Variants in SLC44A5 observed in about 807,000 individuals in gnomAD.
SLC44A5 encodes choline transporter-like protein 5.
Under a neutral mutation model 101.8 loss-of-function variants are expected in SLC44A5, and 57 were observed. The ratio of observed to expected loss-of-function variants is 0.56; its 90% CI spans 0.45 to 0.70. SLC44A5 has a LOEUF of 0.70. Among genes scored for constraint, SLC44A5 ranks in the 30% least tolerant of loss-of-function variants. The probability of loss-of-function intolerance (pLI) is 0.00; values close to 1 mark genes in which losing one functional copy is unlikely to be tolerated. For synonymous variants in SLC44A5, 281 were observed against 290.9 expected (o/e 0.97, Z 0.35); for missense variants, 737 against 853.1 (o/e 0.86, Z 1.70).
intron 2 of SLC44A5, among the ~76,000 whole-genome samples, chr1:75,504,508 T>G (rs557639247): frequency 1.9e-4 from 29 of 152,242 alleles, no homozygotes; most frequent in Middle Eastern, 3.4e-3. Flanking sequence ...TATTGAAAAT[T>G]TATACCTCAA....
chr1:75,529,582 A>G (rs1358303029), intron 2 of SLC44A5, among the ~76,000 whole-genome samples: 1 of 152,188 alleles, frequency 6.6e-6, no homozygotes, highest in Non-Finnish European at 1.5e-5. Flanking sequence ...TACTCCTTCC[A>G]AAGGCAGTCA....
chr1:75,377,149 A>G (rs1342466453), intron 3 of SLC44A5, among the ~76,000 whole-genome samples: 3 of 151,216 alleles, frequency 2.0e-5, no homozygotes, highest in Non-Finnish European at 4.4e-5. Flanking sequence ...TAGACATAGG[A>G]GACTCCATTT....
chr1:75,230,137 T>A (rs1443471608), intron 12 of SLC44A5, among the ~76,000 whole-genome samples: 2 of 152,238 alleles, frequency 1.3e-5, no homozygotes, highest in African/African-American at 2.4e-5. Context: ...CATTTTTATT[T>A]TGAAAAGTTC....
At chr1:75,714,538 G>A in the SLC44A5 span, among the ~76,000 whole-genome samples, 2 of 152,144 alleles carry the variant, frequency 1.3e-5, no homozygotes, top group African/African-American at 4.8e-5. Context: ...AGAAAGAGAG[G>A]AAGTCAAGAT....
At chr1:75,325,762 GT>G (rs1656540826) in intron 4 of SLC44A5, among the ~76,000 whole-genome samples, 3 of 1,472 alleles carry the variant, frequency 2.0e-3, no homozygotes, top group Admixed American at 0.011. Context: ...ATGCATGCGT[GT>G]GTGTGTGTGT....
At chr1:75,347,189 A>G (rs539591375) in intron 3 of SLC44A5, among the ~76,000 whole-genome samples, 1 of 152,300 alleles carries the variant, frequency 6.6e-6, no homozygotes, top group African/African-American at 2.4e-5. Flanking sequence ...ACAAGTGCCT[A>G]AAGCAGTTTG....
At chr1:75,631,137 T>C in the SLC44A5 span, among the ~76,000 whole-genome samples, 1 of 152,148 alleles carries the variant, frequency 6.6e-6, no homozygotes, top group African/African-American at 2.4e-5. Flanking sequence ...TAAATCTCTT[T>C]CTCTTCAACC....
the SLC44A5 span, among the ~76,000 whole-genome samples, chr1:75,713,059 C>G: frequency 6.6e-6 from 1 of 152,130 alleles, no homozygotes; most frequent in Non-Finnish European, 1.5e-5. Context: ...AACCACTACC[C>G]TCTATCATTT....
chr1:75,515,224 T>A (rs1669764223), intron 2 of SLC44A5, among the ~76,000 whole-genome samples: 2 of 152,320 alleles, frequency 1.3e-5, no homozygotes, highest in South Asian at 4.1e-4. Context: ...TCATGTGGAA[T>A]AACTAAATCA....
chr1:75,605,272 A>C (rs1675255643), intron 1 of SLC44A5, among the ~76,000 whole-genome samples: 1 of 152,088 alleles, frequency 6.6e-6, no homozygotes, highest in Non-Finnish European at 1.5e-5. Flanking sequence ...ATTTTCATTC[A>C]ACAAGCACTT....
At chr1:75,600,940 G>A (rs1385255218) in intron 1 of SLC44A5, among the ~76,000 whole-genome samples, 1 of 152,178 alleles carries the variant, frequency 6.6e-6, no homozygotes. Context: ...ATGCATGACT[G>A]TGTATAAAGA....
At chr1:75,705,232 TAA>T in the SLC44A5 span, among the ~76,000 whole-genome samples, 6 of 152,224 alleles carry the variant, frequency 3.9e-5, no homozygotes, top group Admixed American at 1.3e-4. Flanking sequence ...TGTCCAATCA[TAA>T]GAGTGATCAA....
the SLC44A5 span, among the ~76,000 whole-genome samples, chr1:75,690,160 C>T: frequency 2.0e-5 from 3 of 152,128 alleles, no homozygotes; most frequent in Admixed American, 6.6e-5. Flanking sequence ...AAAGAAAGGA[C>T]GTTTAACTGA....
intron 23 of SLC44A5, among the ~76,000 whole-genome samples, chr1:75,210,015 G>A (rs1646821875): frequency 6.6e-6 from 1 of 151,734 alleles, no homozygotes; most frequent in African/African-American, 2.4e-5. Context: ...GGTTCTCCAG[G>A]ACTTTTCAAG....
chr1:75,250,530 G>T (rs1277653972), intron 7 of SLC44A5, among the ~76,000 whole-genome samples: 1 of 152,148 alleles, frequency 6.6e-6, no homozygotes, highest in Non-Finnish European at 1.5e-5. Flanking sequence ...TAATGGGATT[G>T]CTGGGTCAAA....
At chr1:75,511,547 T>C (rs1259815507) in intron 2 of SLC44A5, among the ~76,000 whole-genome samples, 1 of 152,164 alleles carries the variant, frequency 6.6e-6, no homozygotes, top group African/African-American at 2.4e-5. Context: ...TTAAAAAATA[T>C]CATCTATTAA....
intron 3 of SLC44A5, among the ~76,000 whole-genome samples, chr1:75,373,007 T>A (rs552873711): frequency 6.6e-6 from 1 of 152,338 alleles, no homozygotes; most frequent in Admixed American, 6.5e-5. Context: ...AACTCCTTAT[T>A]GACCTGAATT....
At chr1:75,480,024 T>C (rs1236470383) in intron 2 of SLC44A5, among the ~76,000 whole-genome samples, 3 of 152,210 alleles carry the variant, frequency 2.0e-5, no homozygotes, top group African/African-American at 7.2e-5. Flanking sequence ...GCAAACCGAA[T>C]CTGGCAGCAC....
At chr1:75,248,219 T>C (rs1276583587) in intron 7 of SLC44A5, among the ~76,000 whole-genome samples, 1 of 152,036 alleles carries the variant, frequency 6.6e-6, no homozygotes, top group Non-Finnish European at 1.5e-5. Context: ...TAGTTTTGAA[T>C]AAGTATTCAA....
Sources: gnomAD v4.1 joint callset for allele counts (sites outside exome capture counted in the v4.1 genomes callset) on GRCh38, gnomAD v4.1.1 for gene constraint, MANE v1.5 for transcripts, NCBI Gene and HGNC (gene_info 2026-07-23, HGNC 2026-07-21) for gene names.